Variants in THADA observed in about 807,000 individuals in gnomAD.
THADA encodes THADA armadillo repeat containing.
A neutral mutation model predicts 219.8 loss-of-function variants in THADA; 213 were observed. That is an observed-to-expected ratio of 0.97 (90% CI 0.87 to 1.09). THADA has a LOEUF of 1.09. Among genes scored for constraint, THADA ranks in the 50% least tolerant of loss-of-function variants. THADA has a pLI of 0.00. For synonymous variants in THADA, 1,018 were observed against 828.9 expected, an observed-to-expected ratio of 1.23 and a Z score of -3.92; for missense variants, 2,956 against 2,311.3, an observed-to-expected ratio of 1.28 and a Z score of -5.72.
intron 26 of THADA, among the ~76,000 whole-genome samples, chr2:43,436,793 C>G (rs1198507620): frequency 6.6e-6 from 1 of 152,190 alleles, no homozygotes; most frequent in Non-Finnish European, 1.5e-5. Context: ...GTAGGGATCT[C>G]CCCAAACTGT....
intron 26 of THADA, among the ~76,000 whole-genome samples, chr2:43,447,846 T>C (rs987546206): frequency 3.9e-5 from 6 of 152,210 alleles, no homozygotes; most frequent in Non-Finnish European, 7.3e-5. Flanking sequence ...AACATTTCCT[T>C]TGTACTTTGG....
chr2:43,577,174 C>A lies in THADA; in HGVS notation c.885G>T (p.Arg295Ser). The A allele has an allele frequency of 1.2e-6, 2 of 1,608,264 alleles. No homozygotes were observed. Among genetic ancestry groups the A allele is most frequent in the Admixed American group, 1.7e-5 (1 of 59,152 alleles). ...SVPEWFMSSC[R>S]SLCCGDISQS... Reference sequence around the variant, plus strand: ...GAGAGATGTCACCACAACAGAGGCTCCTGCAGCTGCTCATAAACCACTCGG... The same window carrying A: ...GAGAGATGTCACCACAACAGAGGCTACTGCAGCTGCTCATAAACCACTCGG... The change falls in exon 10 of 38, where the codon AGG becomes AGT. Residue 295 changes from arginine (R) to serine (S), a missense_variant. Transcript: ENST00000405975.
chr2:43,313,067 A>G (rs1362023047), intron 31 of THADA, among the ~76,000 whole-genome samples: 2 of 152,246 alleles, frequency 1.3e-5, no homozygotes, highest in Non-Finnish European at 2.9e-5. Flanking sequence ...AAGGAAATTA[A>G]TATGTCATAA....
intron 22 of THADA, among the ~76,000 whole-genome samples, chr2:43,519,768 A>G (rs1425671450): frequency 1.3e-5 from 2 of 152,224 alleles, no homozygotes; most frequent in Non-Finnish European, 2.9e-5. Context: ...CAGCTGGCGC[A>G]CATTAGCTGT....
At chr2:43,238,888 TGTGGGAGCTGGGGGTTG>T (rs11275823) in intron 36 of THADA, among the ~76,000 whole-genome samples, 8,331 of 152,144 alleles carry the variant, frequency 0.055, 724 homozygotes, top group African/African-American at 0.19. Context: ...TGCCAAGAGC[TGTGGGAGCTGGGGGTTG>T]GTGGGAGGAA....
chr2:43,551,896 G>C lies in THADA; in HGVS notation c.2840C>G (p.Pro947Arg). The C allele has an allele frequency of 6.2e-7, 1 of 1,613,746 alleles. No homozygotes were observed. Among genetic ancestry groups the C allele is most frequent in the African/African-American group, 1.3e-5 (1 of 75,012 alleles). ...NSLQLVSEWR[P>R]VVEKLLLMSY... ...CATCAAAAGGAGCTTCTCTACCACAGGTCTCCACTCGCTCACCAACTGCAG... is the reference window on the plus strand; with the variant it reads ...CATCAAAAGGAGCTTCTCTACCACACGTCTCCACTCGCTCACCAACTGCAG... Residue 947 changes from proline to arginine, a missense_variant, in exon 19 of 38, where the codon CCT (proline) becomes CGT (arginine). Pro to Arg is a moderately radical substitution (Grantham distance 103). Coordinates refer to ENST00000405975, the MANE Select transcript of THADA (RefSeq NM_022065.5).
intron 26 of THADA, among the ~76,000 whole-genome samples, chr2:43,462,520 A>T (rs933205399): frequency 6.6e-6 from 1 of 152,216 alleles, no homozygotes; most frequent in Non-Finnish European, 1.5e-5. Flanking sequence ...ACAACCTCTA[A>T]TATGTTCAAA....
At chr2:43,444,692 G>A (rs1681286045) in intron 26 of THADA, among the ~76,000 whole-genome samples, 2 of 152,114 alleles carry the variant, frequency 1.3e-5, no homozygotes, top group Non-Finnish European at 2.9e-5. Flanking sequence ...CTATTGTGCA[G>A]TGAAAAAGGC....
At chr2:43,375,338 G>C (rs1671250759) in intron 29 of THADA, among the ~76,000 whole-genome samples, 2 of 152,134 alleles carry the variant, frequency 1.3e-5, no homozygotes, top group Non-Finnish European at 2.9e-5. Flanking sequence ...ACATAATCCA[G>C]TTTGTCAATG....
chr2:43,407,089 T>C (rs571625505), intron 28 of THADA, among the ~76,000 whole-genome samples: 1 of 152,276 alleles, frequency 6.6e-6, no homozygotes, highest in Non-Finnish European at 1.5e-5. Context: ...GTCTGAGAAA[T>C]CAGTAACAGG....
intron 37 of THADA, among the ~76,000 whole-genome samples, chr2:43,232,156 G>A (rs1158651719): frequency 1.3e-5 from 2 of 152,040 alleles, no homozygotes. Flanking sequence ...TCCGCATCCA[G>A]GGGCTTCTTT....
At chr2:43,365,673 G>A in intron 29 of THADA, among the ~76,000 whole-genome samples, 1 of 151,906 alleles carries the variant, frequency 6.6e-6, no homozygotes, top group East Asian at 1.9e-4. Flanking sequence ...CTTGCACAAG[G>A]ATAGCAGTGT....
At chr2:43,265,560 G>A (rs1242587786) in intron 36 of THADA, among the ~76,000 whole-genome samples, 1 of 152,032 alleles carries the variant, frequency 6.6e-6, no homozygotes, top group East Asian at 1.9e-4. Flanking sequence ...TATCCCCCAC[G>A]GAGTTATTTA....
At chr2:43,405,593 A>G (rs1323111281) in intron 28 of THADA, among the ~76,000 whole-genome samples, 2 of 152,194 alleles carry the variant, frequency 1.3e-5, no homozygotes, top group Admixed American at 6.5e-5. Context: ...TAAAAATTGC[A>G]TTGACTGTAA....
At chr2:43,547,540 T>C (rs1036496912) in intron 20 of THADA, among the ~76,000 whole-genome samples, 3 of 152,332 alleles carry the variant, frequency 2.0e-5, no homozygotes, top group South Asian at 2.1e-4. Context: ...CATAGTCCCA[T>C]ATTTCTTGGA....
At chr2:43,420,276 C>T (rs907521926) in intron 28 of THADA, among the ~76,000 whole-genome samples, 5 of 152,176 alleles carry the variant, frequency 3.3e-5, no homozygotes, top group African/African-American at 4.8e-5. Flanking sequence ...TTAATATACA[C>T]GGTATCAGGT....
At chr2:43,468,140 T>C (rs1336320215) in intron 26 of THADA, among the ~76,000 whole-genome samples, 3 of 152,242 alleles carry the variant, frequency 2.0e-5, no homozygotes, top group African/African-American at 7.2e-5. Context: ...GTTGTTTATA[T>C]TTTAAATAAA....
chr2:43,433,145 GAT>G (rs906758634), intron 26 of THADA, among the ~76,000 whole-genome samples: 7 of 152,064 alleles, frequency 4.6e-5, no homozygotes, highest in African/African-American at 1.7e-4. Context: ...TATAGTGTGA[GAT>G]AGAGGTCAAG....
chr2:43,257,346 C>T (rs1400200451), intron 36 of THADA, among the ~76,000 whole-genome samples: 1 of 152,234 alleles, frequency 6.6e-6, no homozygotes, highest in African/African-American at 2.4e-5. Flanking sequence ...ACCCCAAACC[C>T]TGCGCCTCCC....
Sources: gnomAD v4.1 joint callset for allele counts (sites outside exome capture counted in the v4.1 genomes callset) on GRCh38, gnomAD v4.1.1 for gene constraint, MANE v1.5 for transcripts, NCBI Gene and HGNC (gene_info 2026-07-23, HGNC 2026-07-21) for gene names.